Variants in SREK1 observed in about 807,000 individuals in gnomAD.
SREK1 encodes splicing regulatory glutamine/lysine-rich protein 1.
SREK1 carries 13 observed loss-of-function variants against 66.5 expected under a neutral mutation model. The ratio of observed to expected loss-of-function variants is 0.20; its 90% CI spans 0.13 to 0.31. The LOEUF (loss-of-function observed/expected upper bound fraction) is 0.31, where lower values mean the gene tolerates loss of function less well. Among genes scored for constraint, SREK1 ranks in the 10% least tolerant of loss-of-function variants. The probability of loss-of-function intolerance (pLI) is 1.00; values close to 1 mark genes in which losing one functional copy is unlikely to be tolerated. For missense variants in SREK1, 607 were observed against 769.6 expected (o/e 0.79, Z 2.50); for synonymous variants, 265 against 263.5 (o/e 1.01, Z -0.05).
In SREK1 at chr5:66,181,139, A is replaced by G. The variant is rs1041632687; in HGVS notation, c.*2271A>G. The G allele has an allele frequency of 8.5e-5, 13 of 152,236 alleles. No individual in the cohort carries two copies. Among genetic ancestry groups the G allele is most frequent in the African/African-American group, 3.1e-4 (13 of 41,462 alleles). 9.4% of individuals were successfully genotyped at this position (152,236 alleles called of 1,614,324 possible). On this transcript the variant is annotated 3_prime_UTR_variant, in exon 12 of 12. Transcript: ENST00000334121. The stretch of plus-strand genomic sequence containing the variant: ...TATTAAGCTTTAAAATAATCGTACT[A>G]TAATCTTGAAACACTGATTTGTAAA...
intron 1 of SREK1, among the ~76,000 whole-genome samples, chr5:66,145,877 A>G (rs1743149389): frequency 6.6e-6 from 1 of 151,104 alleles, no homozygotes; most frequent in South Asian, 2.1e-4. Flanking sequence ...TCCCCTTTTA[A>G]AGATTCTAAA....
At chr5:66,153,784 T>C (rs1744051391) in intron 2 of SREK1, 188 bp downstream of exon 2, 3 of 622,354 alleles carry the variant, frequency 4.8e-6, no homozygotes, top group Non-Finnish European at 7.6e-6. Context: ...ACATGTACAT[T>C]TGAGGTTTTA....
intron 2 of SREK1, chr5:66,157,161 G>A: frequency 1.0e-6 from 1 of 952,686 alleles, no homozygotes. Context: ...GCTTATAGTG[G>A]ATTTATACAT....
chr5:66,146,546 G>T (rs76929456), intron 1 of SREK1, among the ~76,000 whole-genome samples: 1 of 151,930 alleles, frequency 6.6e-6, no homozygotes, highest in Non-Finnish European at 1.5e-5. Context: ...TGTTGCATAC[G>T]TGTAATATAT....
In SREK1 at chr5:66,181,167, CTAAGAA is replaced by C; in HGVS notation, c.*2301_*2306del. The C allele has an allele frequency of 2.0e-5, 3 of 152,226 alleles. No individual in the cohort carries two copies. In the Middle Eastern group the frequency reaches 0.01, roughly 518 times the overall value. The allele number at this position is 152,226 out of a possible 1,614,324, so 9.4% of individuals were successfully genotyped here. ...ATCTTGAAACACTGATTTGTAAAAA[CTAAGAA>C]TGAGTAGGAATACAAGAGATCTGGA... On this transcript the variant is annotated 3_prime_UTR_variant, in exon 12 of 12. Transcript: ENST00000334121.
chr5:66,169,938 A>G, intron 7 of SREK1, 113 bp from the exon 8 acceptor site: 2 of 799,478 alleles, frequency 2.5e-6, no homozygotes, highest in Non-Finnish European at 3.6e-6. Flanking sequence ...CTAAAGTATT[A>G]TTTAAGAGAA....
rs1746487844 is a variant in SREK1 at position 66,181,549 on chromosome 5, C to T, written c.*2681C>T. The T allele has an allele frequency of 6.6e-6, 1 of 152,166 alleles. No individual in the cohort carries two copies. Among genetic ancestry groups the T allele is most frequent in the South Asian group, 2.1e-4 (1 of 4,836 alleles). The allele number at this position is 152,166 out of a possible 1,614,324, so 9.4% of individuals were successfully genotyped here. ...GTAGCTTGATTACATAGAGTACCCT[C>T]TCTTCCTTAAGTTGTAGTTGCTATT... On this transcript the variant is annotated 3_prime_UTR_variant, in exon 12 of 12. Coordinates refer to ENST00000334121, the MANE Select transcript of SREK1 (RefSeq NM_001077199.3).
intron 7 of SREK1, 176 bp from the exon 8 acceptor site, chr5:66,169,875 A>G: frequency 2.1e-6 from 1 of 480,302 alleles, no homozygotes; most frequent in Non-Finnish European, 3.6e-6. Flanking sequence ...TCTCTGTTCT[A>G]GACAATGAAA....
At position 66,162,396 on chromosome 5, in the gene SREK1, G is replaced by A. The variant is rs1438269630; in HGVS notation, c.577-18G>A. The A allele has an allele frequency of 6.2e-7, 1 of 1,611,688 alleles. No homozygotes were observed. Among genetic ancestry groups the A allele is most frequent in the Admixed American group, 1.7e-5 (1 of 59,860 alleles). ...TTAAATGGATATATTTTATCAAAGT[G>A]TCACTTTGTTCCCTTAGACAACGAC... On this transcript the variant is annotated intron_variant, in intron 4 of 11. Coordinates refer to ENST00000334121, the MANE Select transcript of SREK1 (RefSeq NM_001077199.3).
At chr5:66,156,742 A>G (rs1744318895) in intron 2 of SREK1, 3 of 985,366 alleles carry the variant, frequency 3.0e-6, no homozygotes, top group Non-Finnish European at 3.6e-6. Flanking sequence ...TATTTATCAT[A>G]TAACTTATTT....
At chr5:66,164,673 A>G in intron 6 of SREK1, 110 bp from the exon 7 acceptor site, 2 of 1,600,398 alleles carry the variant, frequency 1.2e-6, no homozygotes, top group Non-Finnish European at 1.7e-6. Context: ...GAGGATGTAC[A>G]GAGAGTAGGC....
rs1432222584 is a variant in SREK1 at position 66,162,274 on chromosome 5, GTAAC to G, written c.576+5_576+8del. 4 of 1,613,824 alleles carry G rather than the reference GTAAC, an allele frequency of 2.5e-6. No individual in the cohort carries two copies. Among genetic ancestry groups the G allele is most frequent in the Non-Finnish European group, 3.4e-6 (4 of 1,179,872 alleles). On this transcript the variant is annotated splice_donor_variant and splice_donor_5th_base_variant and intron_variant, in intron 4 of 11. Coordinates refer to ENST00000334121, the MANE Select transcript of SREK1 (RefSeq NM_001077199.3). LOFTEE classifies it high-confidence loss of function. Reference sequence around the variant, plus strand: ...TTATGTTGGAAATCTGAATTCCCAGGTAACTAATTAAAGAAGAAACAAAGCAGCA... The same window carrying G: ...TTATGTTGGAAATCTGAATTCCCAGGTAATTAAAGAAGAAACAAAGCAGCA...
chr5:66,163,608 A>C, intron 5 of SREK1, 184 bp from the exon 6 acceptor site: 1 of 479,566 alleles, frequency 2.1e-6, no homozygotes, highest in Non-Finnish European at 3.5e-6. Context: ...TTCGCAAGGA[A>C]TGATAGGAAG....
rs1437471992 is a variant in SREK1 at position 66,180,005 on chromosome 5, C to G, written c.*1137C>G. On this transcript the variant is annotated 3_prime_UTR_variant, in exon 12 of 12. Coordinates refer to ENST00000334121, the MANE Select transcript of SREK1 (RefSeq NM_001077199.3). ...GTGATAATTGAAAATGAAACATGTT[C>G]TTATTTTCCTTAAATTGAAGAAAAC... is the stretch of plus-strand genomic sequence containing the variant. The G allele has an allele frequency of 6.6e-6, 1 of 152,506 alleles. No homozygotes were observed. The highest frequency in any genetic ancestry group is 1.5e-5 in the Non-Finnish European group (1 of 67,992). The allele number at this position is 152,506 out of a possible 1,614,324, so 9.4% of individuals were successfully genotyped here.
At chr5:66,146,324 G>A (rs185227286) in intron 1 of SREK1, among the ~76,000 whole-genome samples, 1 of 152,216 alleles carries the variant, frequency 6.6e-6, no homozygotes, top group East Asian at 1.9e-4. Flanking sequence ...ATATATTGGA[G>A]AATGTTCTTC....
intron 2 of SREK1, among the ~76,000 whole-genome samples, chr5:66,154,672 C>T (rs912386517): frequency 6.6e-6 from 1 of 152,042 alleles, no homozygotes; most frequent in Non-Finnish European, 1.5e-5. Flanking sequence ...ACAGTGAGTA[C>T]CAGGCTCGTA....
At position 66,178,912 on chromosome 5, in the gene SREK1, A is replaced by G. The variant is rs748801670; in HGVS notation, c.*44A>G. 2 of 1,512,534 alleles carry G rather than the reference A, an allele frequency of 1.3e-6. No homozygotes were observed. The highest frequency in any genetic ancestry group is 1.8e-6 in the Non-Finnish European group (2 of 1,124,330). 93.7% of individuals were successfully genotyped at this position (1,512,534 alleles called of 1,614,324 possible). ...TGCACTCAATGCTGGAATCAAATCCAAAGCTTTTAATTCTCTCAACAAGAT... is the reference window on the plus strand; with the variant it reads ...TGCACTCAATGCTGGAATCAAATCCGAAGCTTTTAATTCTCTCAACAAGAT... On this transcript the variant is annotated 3_prime_UTR_variant, in exon 12 of 12. Coordinates refer to ENST00000334121, the MANE Select transcript of SREK1 (RefSeq NM_001077199.3).
intron 9 of SREK1, among the ~76,000 whole-genome samples, chr5:66,173,646 G>A (rs1745829487): frequency 2.0e-5 from 3 of 152,132 alleles, no homozygotes; most frequent in Admixed American, 2.0e-4. Flanking sequence ...TCAGCTAGTA[G>A]GTATTAGACA....
chr5:66,159,275 A>G lies in SREK1; in HGVS notation c.352A>G (p.Thr118Ala), dbSNP rs369948431. The G allele has an allele frequency of 2.5e-6, 4 of 1,613,828 alleles. No individual in the cohort carries two copies. Among genetic ancestry groups the G allele is most frequent in the African/African-American group, 1.3e-5 (1 of 75,036 alleles). ...LSLLAPAPTM[T>A]SLMPGAGLLP... ...TTTATTGGCTCCTGCTCCAACCATG[A>G]CAAGTCTGATGCCTGGTGCAGGATT... Residue 118 changes from threonine to alanine, a missense_variant, in exon 3 of 12, where the codon ACA becomes GCA. Physicochemically the swap from Thr to Ala is moderately conservative, Grantham distance 58. Coordinates refer to ENST00000334121, the MANE Select transcript of SREK1 (RefSeq NM_001077199.3).
Sources: allele counts gnomAD v4.1 joint callset (sites outside exome capture counted in the v4.1 genomes callset), GRCh38; gene constraint gnomAD v4.1.1; transcripts MANE v1.5; gene names NCBI Gene and HGNC (gene_info 2026-07-23, HGNC 2026-07-21).